The following DPPA3 variants were observed in gnomAD, a reference collection of about 807,000 sequenced individuals.
DPPA3 encodes the protein developmental pluripotency associated 3.
DPPA3 carries 9 observed loss-of-function variants against 15.6 expected under a neutral mutation model. The ratio of observed to expected loss-of-function variants is 0.58; its 90% confidence interval spans 0.35 to 1.01. The LOEUF (loss-of-function observed/expected upper bound fraction) is 1.01, where lower values mean the gene tolerates loss of function less well. Ranked by LOEUF, DPPA3 falls within the 50% of genes least tolerant of loss-of-function variation. The probability of loss-of-function intolerance (pLI) is 0.02; values close to 1 mark genes in which losing one functional copy is unlikely to be tolerated. For synonymous variants in DPPA3, 61 were observed against 70.9 expected, an observed-to-expected ratio of 0.86 and a Z score of 0.70; for missense variants, 148 against 194.6, an observed-to-expected ratio of 0.76 and a Z score of 1.42.
At chr12:7,715,067 TC>T in intron 1 of DPPA3, 115 bp from the exon 2 acceptor site, 1 of 1,489,740 alleles carries the variant, frequency 6.7e-7, no homozygotes, top group South Asian at 1.2e-5. Flanking sequence ...ACTGTGACCT[TC>T]CACCCTGAGG....
Position 7,715,343 on chromosome 12 carries a change from C to T in DPPA3, c.243C>T (p.Ser81=), listed in dbSNP as rs1308070806. ...LREIEDEWLY[S]RRGVRTLLSV... is the part of the protein sequence containing the mutation. ...AAATCGAAGATGAGTGGCTTTACAG[C>T]AGGAGAGGAGTAAGAACATTGCTGT... Residue 81 remains serine, a synonymous_variant, in exon 2 of 4, where the codon AGC becomes AGT. Coordinates refer to ENST00000345088, the MANE Select transcript of DPPA3 (RefSeq NM_199286.4). 1 of 1,614,072 alleles carries T rather than the reference C, an allele frequency of 6.2e-7. No homozygotes were observed.
chr12:7,711,816 CAGAG>C (rs1008510520), intron 1 of DPPA3, among the ~76,000 whole-genome samples, 164 bp downstream of exon 1: 1 of 141,538 alleles, frequency 7.1e-6, no homozygotes, highest in African/African-American at 2.6e-5. Context: ...GGAGTCAACA[CAGAG>C]AGGTCAAAGA....
At chr12:7,712,073 G>GC (rs1565454115) in intron 1 of DPPA3, among the ~76,000 whole-genome samples, 1 of 1,280 alleles carries the variant, frequency 7.8e-4, no homozygotes, top group Non-Finnish European at 6.3e-3. Flanking sequence ...CCGCCACCGC[G>GC]CCCGTTTTTT....
Position 7,711,720 on chromosome 12 carries a change from CTTTTTTTTT to C in DPPA3, c.82+89_82+97del, listed in dbSNP as rs3069565. Reference sequence around the variant, plus strand: ...GGTTGGGAGGTCAAAAGGCTGCCGTCTTTTTTTTTTTTTTTTTTTTTTTTTTTTTAATGT... The same window carrying C: ...GGTTGGGAGGTCAAAAGGCTGCCGTCTTTTTTTTTTTTTTTTTTTTAATGT... On this transcript the variant is annotated intron_variant, in intron 1 of 3. Coordinates refer to ENST00000345088, the MANE Select transcript of DPPA3 (RefSeq NM_199286.4). The C allele has an allele frequency of 1.6e-3, 544 of 340,556 alleles. 3 individuals carry two copies. The highest frequency in any genetic ancestry group is 9.1e-3 in the South Asian group (218 of 23,906). 21.1% of individuals were successfully genotyped at this position (340,556 alleles called of 1,614,324 possible).
intron 1 of DPPA3, among the ~76,000 whole-genome samples, chr12:7,714,280 C>T (rs868825621): frequency 8.6e-5 from 13 of 151,896 alleles, no homozygotes; most frequent in African/African-American, 3.1e-4. Flanking sequence ...AGTCATCCCT[C>T]GGTTATACTC....
intron 2 of DPPA3, 47 bp downstream of exon 2, chr12:7,715,474 C>A (rs754510032): frequency 6.2e-7 from 1 of 1,612,676 alleles, no homozygotes; most frequent in Non-Finnish European, 8.5e-7. Flanking sequence ...CGGAGAGTGA[C>A]ACTCATAAAT....
rs2136889938 is a variant in DPPA3, at chr12:7,711,718, GTCTTTTT to G, written c.82+68_82+74del. The G allele has an allele frequency of 1.4e-5, 8 of 559,770 alleles. No individual in the cohort carries two copies. The South Asian group carries it at 1.5e-4, about 11-fold the overall frequency. 34.7% of individuals were successfully genotyped at this position (559,770 alleles called of 1,614,324 possible). A position where few individuals can be genotyped will look rare whatever the true frequency, so the allele number is the denominator to read the frequency against. On this transcript the variant is annotated intron_variant, in intron 1 of 3. Coordinates refer to ENST00000345088, the MANE Select transcript of DPPA3 (RefSeq NM_199286.4). ...GGGGTTGGGAGGTCAAAAGGCTGCC[GTCTTTTT>G]TTTTTTTTTTTTTTTTTTTTTTTTA... is the stretch of plus-strand genomic sequence containing the variant.
chr12:7,713,708 T>A (rs1864369578), intron 1 of DPPA3, among the ~76,000 whole-genome samples: 1 of 152,200 alleles, frequency 6.6e-6, no homozygotes, highest in South Asian at 2.1e-4. Flanking sequence ...AACAGCCACT[T>A]ACTTCGACTG....
intron 1 of DPPA3, among the ~76,000 whole-genome samples, chr12:7,711,910 CTTTTTTTTTCTTTT>C (rs1864350047): frequency 7.9e-6 from 1 of 127,352 alleles, no homozygotes; most frequent in Non-Finnish European, 1.7e-5. Flanking sequence ...AGATTTCTTT[CTTTTTTTTTCTTTT>C]TTTTTTTTTG....
chr12:7,711,645 C>A lies in DPPA3; in HGVS notation c.75C>A (p.Asp25Glu). ...TGCTCACCGAAGAAAATTCCCGGGA[C>A]GATTCAGGTAAGCCAGATAATGCCC... ...PQMLTEENSR[D>E]DSGASQISSE... Residue 25 changes from aspartate to glutamate, a missense_variant, in exon 1 of 4, where the codon GAC (aspartate) becomes GAA (glutamate). By Grantham distance (45) the Asp-to-Glu change is conservative (BLOSUM62 2). Transcript: ENST00000345088. 6.3e-7 allele frequency: 1 copy of A among 1,593,918 alleles called. No individual in the cohort carries two copies. The highest frequency in any genetic ancestry group is 8.6e-7 in the Non-Finnish European group (1 of 1,168,722).
chr12:7,715,984 G>T (rs1365909032), intron 2 of DPPA3, among the ~76,000 whole-genome samples: 2 of 151,772 alleles, frequency 1.3e-5, no homozygotes, highest in South Asian at 2.1e-4. Flanking sequence ...CAGCTGCTGT[G>T]GGGTGGGTGG....
chr12:7,713,066 G>T (rs1199975357), intron 1 of DPPA3, among the ~76,000 whole-genome samples: 2 of 152,214 alleles, frequency 1.3e-5, no homozygotes, highest in Non-Finnish European at 2.9e-5. Context: ...CGGGTCTTCC[G>T]GTGGAGAACT....
At chr12:7,712,418 T>A (rs1190410757) in intron 1 of DPPA3, among the ~76,000 whole-genome samples, 1 of 152,022 alleles carries the variant, frequency 6.6e-6, no homozygotes, top group Non-Finnish European at 1.5e-5. Context: ...CAGTTGAACC[T>A]AAAGTTTTTC....
chr12:7,712,667 CG>C (rs1864357831), intron 1 of DPPA3, among the ~76,000 whole-genome samples: 1 of 151,878 alleles, frequency 6.6e-6, no homozygotes, highest in Non-Finnish European at 1.5e-5. Flanking sequence ...AGACTGGTCT[CG>C]ATCTCCTGAC....
In DPPA3 at chr12:7,716,181, A is replaced by AT. The variant is rs34619457; in HGVS notation, c.328-10dup. The AT allele has an allele frequency of 0.43, 682,940 of 1,575,374 alleles. 151,053 individuals carry two copies. Among genetic ancestry groups the AT allele is most frequent in the Middle Eastern group, 0.5 (2,976 of 5,926 alleles). On this transcript the variant is annotated splice_polypyrimidine_tract_variant and intron_variant, in intron 2 of 3. Coordinates refer to ENST00000345088, the MANE Select transcript of DPPA3 (RefSeq NM_199286.4). ...TTTCTTGATAGTTTTCAATAAACAT[A>AT]TTTTTTTCCCATGAAGCATGAAAGA...
At chr12:7,711,962 C>T (rs1211551145) in intron 1 of DPPA3, among the ~76,000 whole-genome samples, 2 of 146,976 alleles carry the variant, frequency 1.4e-5, no homozygotes, top group Non-Finnish European at 1.5e-5. Flanking sequence ...GTCGCCCAGG[C>T]TGGAGTGCAG....
chr12:7,716,731 T>G (rs373052969), intron 3 of DPPA3, among the ~76,000 whole-genome samples: 113 of 152,306 alleles, frequency 7.4e-4, no homozygotes, highest in African/African-American at 2.7e-3. Context: ...CTAGAATGTT[T>G]TATTGACAGT....
Position 7,715,402 on chromosome 12 carries a change from A to G in DPPA3, c.302A>G (p.Tyr101Cys), listed in dbSNP as rs754423298. The G allele has an allele frequency of 1.9e-6, 3 of 1,614,168 alleles. No homozygotes were observed. In the South Asian group the frequency reaches 3.3e-5, roughly 18 times the overall value. Residue 101 changes from tyrosine (Y) to cysteine (C), a missense_variant, in exon 2 of 4, where the codon TAC becomes TGC. Transcript: ENST00000345088. The part of the protein sequence containing the change: ...VQREKMARLR[Y>C]MLLGGVRTHE... ...AGAGAAAAGATGGCAAGATTGAGATACATGTTACTCGGCGGAGTTCGTACG... is the reference window on the plus strand; with the variant it reads ...AGAGAAAAGATGGCAAGATTGAGATGCATGTTACTCGGCGGAGTTCGTACG...
chr12:7,715,018 T>C (rs1199513122), intron 1 of DPPA3, among the ~76,000 whole-genome samples, 165 bp from the exon 2 acceptor site: 1 of 152,102 alleles, frequency 6.6e-6, no homozygotes, highest in Admixed American at 6.6e-5. Context: ...GGGCTAACTT[T>C]GCGATTTTTG....
Sources: allele counts gnomAD v4.1 joint callset (sites outside exome capture counted in the v4.1 genomes callset), GRCh38; gene constraint gnomAD v4.1.1; transcripts MANE v1.5; gene names NCBI Gene and HGNC (gene_info 2026-07-23, HGNC 2026-07-21).